IGSF21: variants seen among roughly 807,000 people sequenced by gnomAD.
IGSF21 encodes immunoglobin superfamily member 21.
IGSF21 carries 28 observed loss-of-function variants against 46.8 expected under a neutral mutation model. The ratio of observed to expected loss-of-function variants is 0.60; its 90% confidence interval spans 0.44 to 0.82. IGSF21 has a LOEUF of 0.82. IGSF21 is among the 40% of genes least tolerant of loss of function. IGSF21 has a pLI of 0.00. For synonymous variants in IGSF21, 284 were observed against 273.6 expected (o/e 1.04, Z -0.38); for missense variants, 624 against 665.5 (o/e 0.94, Z 0.69).
At chr1:18,253,465 G>C (rs1019683120) in intron 2 of IGSF21, among the ~76,000 whole-genome samples, 1 of 152,190 alleles carries the variant, frequency 6.6e-6, no homozygotes, top group Middle Eastern at 3.2e-3. Flanking sequence ...GGGCCCCTTC[G>C]TTGCTCCTTG....
chr1:18,296,265 C>G (rs1376001388), intron 3 of IGSF21, among the ~76,000 whole-genome samples: 1 of 152,138 alleles, frequency 6.6e-6, no homozygotes, highest in Non-Finnish European at 1.5e-5. Flanking sequence ...TTCATTCCAC[C>G]CTTCTAGGTT....
intron 1 of IGSF21, among the ~76,000 whole-genome samples, chr1:18,167,525 T>A (rs1344500556): frequency 1.3e-5 from 2 of 152,102 alleles, no homozygotes; most frequent in Admixed American, 6.5e-5. Context: ...CCAGTGAAAG[T>A]GATCCCTGTG....
chr1:18,301,402 C>T (rs529031641), intron 3 of IGSF21, among the ~76,000 whole-genome samples: 11 of 152,316 alleles, frequency 7.2e-5, no homozygotes, highest in Middle Eastern at 6.8e-3. Flanking sequence ...TGCACTGGCA[C>T]GATCTCAGCT....
intron 3 of IGSF21, among the ~76,000 whole-genome samples, chr1:18,332,851 G>C (rs541226589): frequency 6.6e-6 from 1 of 152,288 alleles, no homozygotes; most frequent in East Asian, 1.9e-4. Flanking sequence ...GGCTGGCTCA[G>C]CTCACTAAGA....
intron 2 of IGSF21, among the ~76,000 whole-genome samples, chr1:18,244,140 G>A (rs187313196): frequency 1.3e-5 from 2 of 152,346 alleles, no homozygotes; most frequent in Admixed American, 1.3e-4. Flanking sequence ...CATTCTGGAA[G>A]CGCTTTGCAA....
At chr1:18,376,269 C>T (rs766355916) in intron 6 of IGSF21, 41 bp from the exon 7 acceptor site, 6 of 1,368,994 alleles carry the variant, frequency 4.4e-6, no homozygotes, top group Middle Eastern at 1.8e-4. Context: ...CCTGTCCCTC[C>T]TTTCCTTACT....
intron 2 of IGSF21, among the ~76,000 whole-genome samples, chr1:18,241,723 G>A (rs558713544): frequency 5.9e-5 from 9 of 152,198 alleles, no homozygotes; most frequent in Non-Finnish European, 8.8e-5. Flanking sequence ...CTGCTGTAGC[G>A]GTGCGTTCAG....
intron 2 of IGSF21, among the ~76,000 whole-genome samples, chr1:18,274,426 A>C (rs915454717): frequency 3.3e-5 from 5 of 152,262 alleles, no homozygotes; most frequent in African/African-American, 1.2e-4. Context: ...AGAATCAGAC[A>C]GGTAGATGAG....
intron 3 of IGSF21, among the ~76,000 whole-genome samples, chr1:18,301,959 C>T (rs2124576048): frequency 6.6e-6 from 1 of 152,282 alleles, no homozygotes; most frequent in South Asian, 2.1e-4. Context: ...ATTCCATTGA[C>T]TAGAGGAGAA....
chr1:18,292,550 G>A (rs777067369), intron 3 of IGSF21, among the ~76,000 whole-genome samples: 1 of 152,174 alleles, frequency 6.6e-6, no homozygotes, highest in Non-Finnish European at 1.5e-5. Context: ...TCCAGGAGGC[G>A]GGTGGCAGAA....
intron 3 of IGSF21, 55 bp downstream of exon 3, chr1:18,292,042 G>C (rs1181543199): frequency 6.4e-7 from 1 of 1,572,050 alleles, no homozygotes; most frequent in African/African-American, 1.3e-5. Context: ...GGGATGGGGA[G>C]TGGGGCAGAG....
intron 3 of IGSF21, among the ~76,000 whole-genome samples, chr1:18,303,496 G>A (rs1047380054): frequency 6.6e-6 from 1 of 152,096 alleles, no homozygotes; most frequent in African/African-American, 2.4e-5. Flanking sequence ...CTTGATCAGG[G>A]GCCTTCCAGA....
chr1:18,268,559 C>T (rs1451395505), intron 2 of IGSF21, among the ~76,000 whole-genome samples: 4 of 152,216 alleles, frequency 2.6e-5, no homozygotes, highest in Non-Finnish European at 5.9e-5. Context: ...TGGAAAGACA[C>T]CCAACCCCAA....
At chr1:18,338,216 A>C (rs1215846565) in intron 4 of IGSF21, among the ~76,000 whole-genome samples, 1 of 152,182 alleles carries the variant, frequency 6.6e-6, no homozygotes, top group Non-Finnish European at 1.5e-5. Context: ...TTAATGACAA[A>C]TAGTAGTCGG....
chr1:18,117,074 T>C (rs2086195263), intron 1 of IGSF21, among the ~76,000 whole-genome samples: 1 of 152,176 alleles, frequency 6.6e-6, no homozygotes, highest in Non-Finnish European at 1.5e-5. Context: ...TGGAGTGGCA[T>C]TCCCAGAGCA....
intron 1 of IGSF21, among the ~76,000 whole-genome samples, chr1:18,200,486 C>T (rs534887463): frequency 2.2e-4 from 34 of 152,312 alleles, no homozygotes; most frequent in Non-Finnish European, 4.4e-4. Context: ...CTGCTGGTGG[C>T]TGCTGCAATT....
chr1:18,317,943 G>A lies in IGSF21; in HGVS notation c.306-16949G>A, dbSNP rs140501863. Among the ~76,000 whole-genome samples the A allele has an allele frequency of 4.6e-5, 7 of 152,330 alleles. No homozygotes were observed. In the South Asian group the frequency reaches 6.2e-4, roughly 14 times the overall value. On this transcript the variant is annotated intron_variant, in intron 3 of 9. Coordinates refer to ENST00000251296, the MANE Select transcript of IGSF21 (RefSeq NM_032880.5). ...AGTGACTTACTCCAGGTCACGCAGC[G>A]AGTCAGGATTCAAAGCTGGGCAGCT...
chr1:18,293,845 TG>T (rs1275260791), intron 3 of IGSF21, among the ~76,000 whole-genome samples: 2 of 152,174 alleles, frequency 1.3e-5, no homozygotes, highest in Admixed American at 1.3e-4. Context: ...TAGGACTCCT[TG>T]GTTCTGATTT....
At chr1:18,360,003 C>T (rs1377330298) in intron 4 of IGSF21, among the ~76,000 whole-genome samples, 1 of 152,184 alleles carries the variant, frequency 6.6e-6, no homozygotes, top group Non-Finnish European at 1.5e-5. Flanking sequence ...TGCTTCACCT[C>T]TTAATTTTCC....
Sources: allele counts gnomAD v4.1 joint callset (sites outside exome capture counted in the v4.1 genomes callset), GRCh38; gene constraint gnomAD v4.1.1; transcripts MANE v1.5; gene names NCBI Gene and HGNC (gene_info 2026-07-23, HGNC 2026-07-21).